The following MAP3K19 variants were observed in gnomAD, a reference collection of about 807,000 sequenced individuals.
The protein encoded by MAP3K19 is SPS1/STE20-related protein kinase YSK4.
Under a neutral mutation model 114.4 loss-of-function variants are expected in MAP3K19, and 91 were observed. That is an observed-to-expected ratio of 0.80 (90% confidence interval 0.67 to 0.95). The LOEUF is 0.95. MAP3K19 is among the 40% of genes least tolerant of loss of function. The probability of loss-of-function intolerance (pLI) is 0.00; values close to 1 mark genes in which losing one functional copy is unlikely to be tolerated. For synonymous variants in MAP3K19, 518 were observed against 530.5 expected (o/e 0.98, Z 0.32); for missense variants, 1,471 against 1,573.2 (o/e 0.94, Z 1.10).
intron 12 of MAP3K19, among the ~76,000 whole-genome samples, chr2:134,977,965 A>C (rs1217282740): frequency 6.6e-6 from 1 of 151,258 alleles, no homozygotes; most frequent in East Asian, 1.9e-4. Context: ...AACATTCACT[A>C]CTCCCTCCTA....
At chr2:135,006,418 G>A (rs554166623) in intron 5 of MAP3K19, among the ~76,000 whole-genome samples, 3 of 152,296 alleles carry the variant, frequency 2.0e-5, no homozygotes, top group East Asian at 1.9e-4. Flanking sequence ...GAGAAGTGGC[G>A]AGTCACAAAA....
chr2:135,014,952 T>A (rs576489832), intron 5 of MAP3K19, among the ~76,000 whole-genome samples: 1 of 152,230 alleles, frequency 6.6e-6, no homozygotes, highest in Non-Finnish European at 1.5e-5. Context: ...CTATTCTTGA[T>A]AGGCACTTGG....
intron 5 of MAP3K19, among the ~76,000 whole-genome samples, chr2:135,018,782 T>C (rs1687769745): frequency 6.6e-6 from 1 of 152,132 alleles, no homozygotes; most frequent in African/African-American, 2.4e-5. Flanking sequence ...CCTTGTACTT[T>C]GTAAAAATTA....
intron 12 of MAP3K19, among the ~76,000 whole-genome samples, chr2:134,968,060 TCC>T: frequency 1.3e-5 from 2 of 152,180 alleles, no homozygotes; most frequent in East Asian, 3.9e-4. Context: ...TGGTGATGAC[TCC>T]CAACGAGCAT....
At chr2:134,996,641 T>C (rs1052454951) in intron 8 of MAP3K19, among the ~76,000 whole-genome samples, 4 of 152,146 alleles carry the variant, frequency 2.6e-5, no homozygotes, top group African/African-American at 9.7e-5. Flanking sequence ...GAAAGAACAG[T>C]AGGTGCAAAT....
intron 12 of MAP3K19, among the ~76,000 whole-genome samples, chr2:134,968,046 G>C (rs1683510593): frequency 6.6e-6 from 1 of 151,966 alleles, no homozygotes. Context: ...TTGAGATTAG[G>C]GAATGGTGAT....
chr2:134,990,470 T>TG (rs1441770798), intron 9 of MAP3K19, among the ~76,000 whole-genome samples: 1 of 150,794 alleles, frequency 6.6e-6, no homozygotes, highest in Non-Finnish European at 1.5e-5. Context: ...GTTTTTTTTT[T>TG]TTGTTTGTTT....
intron 12 of MAP3K19, among the ~76,000 whole-genome samples, chr2:134,980,505 G>A (rs1186517712): frequency 1.3e-5 from 2 of 152,158 alleles, no homozygotes; most frequent in African/African-American, 4.8e-5. Flanking sequence ...CAGTTCCTAG[G>A]AAGATGTCTC....
At chr2:135,023,161 A>G (rs1688095231) in intron 4 of MAP3K19, 1 of 242,298 alleles carries the variant, frequency 4.1e-6, no homozygotes, top group Admixed American at 5.0e-5. Flanking sequence ...ACTCTCTGCA[A>G]TCTATCTTCT....
At chr2:135,035,756 A>C (rs1171121106) in intron 2 of MAP3K19, among the ~76,000 whole-genome samples, 1 of 152,134 alleles carries the variant, frequency 6.6e-6, no homozygotes, top group Non-Finnish European at 1.5e-5. Flanking sequence ...CCCTGCCTGC[A>C]TTTCCAGCTT....
Position 135,033,534 on chromosome 2 carries a change from C to T in MAP3K19, c.-283-3034G>A, listed in dbSNP as rs1410676996. On this transcript the variant is annotated intron_variant, in intron 2 of 12. Coordinates refer to ENST00000392915, the MANE Select transcript of MAP3K19 (RefSeq NM_025052.5). ...CCCAGTAGGGGCAGCCGGGCAGAGG[C>T]GCCCCTCACCTCCCGGACGGGGCGG... 7.7e-5 allele frequency among the ~76,000 whole-genome samples: 6 copies of T among 78,380 alleles called. 1 individual carries two copies. Among genetic ancestry groups the T allele is most frequent in the Admixed American group, 6.3e-4 (5 of 7,990 alleles). The allele number at this position is 78,380 out of a possible 152,430, so 51.4% of individuals were successfully genotyped here.
chr2:134,984,089 C>A (rs1392955981), intron 10 of MAP3K19, among the ~76,000 whole-genome samples: 1 of 152,166 alleles, frequency 6.6e-6, no homozygotes, highest in Non-Finnish European at 1.5e-5. Flanking sequence ...TCATCTCAGG[C>A]CCCACATAGG....
Position 134,991,535 on chromosome 2 carries a change from A to C in MAP3K19, c.618+2T>G. ...AGTCAAAAATGCTAGCACTAATCTT[A>C]CCTTGATGCTTCGGCCACTGTACTT... On this transcript the variant is annotated splice_donor_variant, in intron 9 of 12. Coordinates refer to ENST00000392915, the MANE Select transcript of MAP3K19 (RefSeq NM_025052.5). LOFTEE classifies it high-confidence loss of function. 6.2e-7 allele frequency: 1 copy of C among 1,613,146 alleles called. No individual in the cohort carries two copies. The highest frequency in any genetic ancestry group is 8.5e-7 in the Non-Finnish European group (1 of 1,179,096).
intron 12 of MAP3K19, among the ~76,000 whole-genome samples, chr2:134,966,217 T>C (rs1683335601): frequency 6.6e-6 from 1 of 152,244 alleles, no homozygotes; most frequent in Non-Finnish European, 1.5e-5. Context: ...TTAGAGATAA[T>C]GATTTTCTTT....
intron 5 of MAP3K19, among the ~76,000 whole-genome samples, chr2:135,019,901 G>A (rs189248420): frequency 2.6e-5 from 4 of 152,234 alleles, no homozygotes; most frequent in African/African-American, 9.6e-5. Context: ...TGTACTATAG[G>A]GGACTTTTTG....
At chr2:134,976,434 G>A (rs1011687463) in intron 12 of MAP3K19, among the ~76,000 whole-genome samples, 2 of 152,270 alleles carry the variant, frequency 1.3e-5, no homozygotes, top group Non-Finnish European at 1.5e-5. Context: ...CTGGGCTCTC[G>A]GCCAATCTCA....
At chr2:134,983,408 G>T in intron 11 of MAP3K19, 1 of 612,978 alleles carries the variant, frequency 1.6e-6, no homozygotes, top group East Asian at 3.4e-5. Flanking sequence ...GGCAAAGAGA[G>T]AGAGAGACCA....
At chr2:134,978,955 G>T (rs1207380708) in intron 12 of MAP3K19, among the ~76,000 whole-genome samples, 1 of 152,114 alleles carries the variant, frequency 6.6e-6, no homozygotes, top group East Asian at 1.9e-4. Flanking sequence ...TGACTTCCCA[G>T]AACTTGATCT....
In MAP3K19 at chr2:134,983,840, C is replaced by T. The variant is rs1329417368; in HGVS notation, c.3073-15G>A. The T allele has an allele frequency of 6.5e-7, 1 of 1,543,084 alleles. No homozygotes were observed. On this transcript the variant is annotated splice_polypyrimidine_tract_variant and intron_variant, in intron 10 of 12. Coordinates refer to ENST00000392915, the MANE Select transcript of MAP3K19 (RefSeq NM_025052.5). ...CTACTATGCCTCTGGAAGAATGAGA[C>T]AAAAGGAAAGATGACCATTAAACCA...
Sources: allele counts gnomAD v4.1 joint callset (sites outside exome capture counted in the v4.1 genomes callset), GRCh38; gene constraint gnomAD v4.1.1; transcripts MANE v1.5; gene names NCBI Gene and HGNC (gene_info 2026-07-23, HGNC 2026-07-21).